The following SLC35D1 variants were observed in gnomAD, a reference collection of about 807,000 sequenced individuals.
SLC35D1 encodes nucleotide sugar transporter SLC35D1.
In SLC35D1, 31 loss-of-function variants were observed where a neutral mutation model predicts 46.7. The observed-to-expected ratio is 0.66, with a 90% confidence interval of 0.50 to 0.90. The LOEUF (loss-of-function observed/expected upper bound fraction) is 0.90, where lower values mean the gene tolerates loss of function less well. Among genes scored for constraint, SLC35D1 ranks in the 40% least tolerant of loss-of-function variants. The pLI is 0.00. For synonymous variants in SLC35D1, 195 were observed against 164.6 expected (o/e 1.18, Z -1.41); for missense variants, 397 against 426.2 (o/e 0.93, Z 0.60).
chr1:67,049,296 A>G (rs1645284069), intron 6 of SLC35D1, among the ~76,000 whole-genome samples: 1 of 151,532 alleles, frequency 6.6e-6, no homozygotes, highest in South Asian at 2.1e-4. Flanking sequence ...TCCGTCTCAA[A>G]AAAAAAAAAA....
chr1:67,053,293 T>TA lies in SLC35D1; in HGVS notation c.204-305dup, dbSNP rs111862174. 0.49 allele frequency among the ~76,000 whole-genome samples: 72,603 copies of TA among 146,688 alleles called. 18,378 individuals carry two copies. Among genetic ancestry groups the TA allele is most frequent in the South Asian group, 0.66 (3,044 of 4,638 alleles). ...ATCTCTGCAACGATTTCACACACCT[T>TA]AAAAAAAAAAACAACCAACTTCTGC... On this transcript the variant is annotated intron_variant, in intron 1 of 11. Coordinates refer to ENST00000235345, the MANE Select transcript of SLC35D1 (RefSeq NM_015139.3).
the SLC35D1 span, chr1:66,984,637 A>G: frequency 6.2e-7 from 1 of 1,613,862 alleles, no homozygotes; most frequent in Admixed American, 1.7e-5. Context: ...AGGGTTACAC[A>G]TTAATGGACC....
At chr1:66,979,213 C>T in the SLC35D1 span, among the ~76,000 whole-genome samples, 1 of 152,096 alleles carries the variant, frequency 6.6e-6, no homozygotes, top group Non-Finnish European at 1.5e-5. Context: ...CATTTCTTTC[C>T]AGATGGGGAT....
chr1:67,039,784 C>A (rs1367118555), intron 8 of SLC35D1, among the ~76,000 whole-genome samples: 1 of 152,038 alleles, frequency 6.6e-6, no homozygotes, highest in African/African-American at 2.4e-5. Context: ...CTGCCTGTTT[C>A]CACAATGACA....
intron 7 of SLC35D1, among the ~76,000 whole-genome samples, chr1:67,042,840 G>C (rs1399848605): frequency 7.9e-5 from 12 of 152,120 alleles, no homozygotes; most frequent in South Asian, 2.1e-4. Flanking sequence ...GAGGCGGACA[G>C]ATTGCTTGAG....
rs1304759407 is a variant in SLC35D1 at position 67,021,706 on chromosome 1, G to GAC, written c.730-106_730-105dup. On this transcript the variant is annotated intron_variant, in intron 8 of 11. Coordinates refer to ENST00000235345, the MANE Select transcript of SLC35D1 (RefSeq NM_015139.3). ...CGAGTCTGCCTCCAACACAGACACA[G>GAC]ACACAGACACAGACACAGACACACA... The GAC allele has an allele frequency of 1.8e-3, 442 of 243,298 alleles. 4 individuals are homozygous for GAC. The highest frequency in any genetic ancestry group is 0.01 in the African/African-American group (358 of 34,426). The allele number at this position is 243,298 out of a possible 1,614,324, so 15.1% of individuals were successfully genotyped here.
intron 8 of SLC35D1, among the ~76,000 whole-genome samples, chr1:67,024,950 G>T (rs1344723496): frequency 6.6e-6 from 1 of 152,056 alleles, no homozygotes; most frequent in African/African-American, 2.4e-5. Context: ...GTCTTGCTTT[G>T]TTGCCCAGGT....
intron 11 of SLC35D1, among the ~76,000 whole-genome samples, chr1:67,006,444 T>C (rs1667449111): frequency 6.6e-6 from 1 of 151,386 alleles, no homozygotes; most frequent in Admixed American, 6.6e-5. Flanking sequence ...GTAGAAGGGC[T>C]ACCTCTCCTT....
the SLC35D1 span, among the ~76,000 whole-genome samples, chr1:66,989,122 G>C: frequency 6.6e-6 from 1 of 152,216 alleles, no homozygotes; most frequent in East Asian, 1.9e-4. Context: ...TGCAGAGCTG[G>C]TTCTACCATA....
At chr1:67,013,851 G>T (rs918555360) in intron 10 of SLC35D1, among the ~76,000 whole-genome samples, 2 of 152,242 alleles carry the variant, frequency 1.3e-5, no homozygotes, top group African/African-American at 4.8e-5. Context: ...TTGTTTCTTT[G>T]TGAGTTTAGA....
intron 9 of SLC35D1, 74 bp from the exon 10 acceptor site, chr1:67,020,521 G>T: frequency 9.1e-7 from 1 of 1,100,688 alleles, no homozygotes; most frequent in Non-Finnish European, 1.4e-6. Flanking sequence ...AACAATCAGT[G>T]TTGGCCAAGC....
At chr1:67,024,383 T>G (rs1436405057) in intron 8 of SLC35D1, among the ~76,000 whole-genome samples, 1 of 152,224 alleles carries the variant, frequency 6.6e-6, no homozygotes. Flanking sequence ...AAGTCAAAGA[T>G]CTTCTCCTAT....
rs12563312 is a variant in SLC35D1, at chr1:67,008,651, A to G, written c.959+434T>C. On this transcript the variant is annotated intron_variant, in intron 11 of 11. Transcript: ENST00000235345. ...TTCTCCTAAACCTACAGTCATGGACATATTCATTAGCCCCCGACAATGAGA... is the reference window on the plus strand; with the variant it reads ...TTCTCCTAAACCTACAGTCATGGACGTATTCATTAGCCCCCGACAATGAGA... 1.6e-4 allele frequency among the ~76,000 whole-genome samples: 25 copies of G among 152,326 alleles called. No individual in the cohort carries two copies. The East Asian group carries it at 4.8e-3, about 29-fold the overall frequency.
At chr1:66,984,248 G>T in the SLC35D1 span, among the ~76,000 whole-genome samples, 1 of 152,182 alleles carries the variant, frequency 6.6e-6, no homozygotes, top group African/African-American at 2.4e-5. Flanking sequence ...GTGCTTGTTT[G>T]CTGTCACATA....
intron 11 of SLC35D1, among the ~76,000 whole-genome samples, chr1:67,004,850 C>T (rs747618801): frequency 2.0e-5 from 3 of 151,918 alleles, no homozygotes; most frequent in East Asian, 1.9e-4. Context: ...TTTTGCATTT[C>T]GAAAAATAGG....
downstream of SLC35D1, among the ~76,000 whole-genome samples, chr1:66,996,400 A>C (rs1667238530): frequency 6.6e-6 from 1 of 152,256 alleles, no homozygotes; most frequent in African/African-American, 2.4e-5. Flanking sequence ...GGTACTGCCA[A>C]GTCTATTACA....
chr1:66,985,355 A>G, the SLC35D1 span: 1 of 985,246 alleles, frequency 1.0e-6, no homozygotes, highest in Non-Finnish European at 1.2e-6. Context: ...AAATGTCTTT[A>G]AAACAGACAT....
the SLC35D1 span, among the ~76,000 whole-genome samples, chr1:66,979,004 C>G: frequency 6.6e-6 from 1 of 152,218 alleles, no homozygotes; most frequent in Non-Finnish European, 1.5e-5. Flanking sequence ...ATAGTGGTCA[C>G]CTGGTATAAT....
At chr1:66,986,700 A>G in the SLC35D1 span, 7 of 395,346 alleles carry the variant, frequency 1.8e-5, no homozygotes, top group Middle Eastern at 6.0e-4. Flanking sequence ...TGTTACATAC[A>G]TATCTAAGTA....
Sources: allele counts gnomAD v4.1 joint callset (sites outside exome capture counted in the v4.1 genomes callset), GRCh38; gene constraint gnomAD v4.1.1; transcripts MANE v1.5; gene names NCBI Gene and HGNC (gene_info 2026-07-23, HGNC 2026-07-21).